The following WDR7 variants were observed in gnomAD, a reference collection of about 807,000 sequenced individuals.
WDR7 encodes the protein WD repeat-containing protein 7.
A neutral mutation model predicts 169.4 loss-of-function variants in WDR7; 46 were observed. The observed-to-expected ratio is 0.27, with a 90% CI of 0.21 to 0.35. The LOEUF (loss-of-function observed/expected upper bound fraction) is 0.35, where lower values mean the gene tolerates loss of function less well. Ranked by LOEUF, WDR7 falls within the 10% of genes least tolerant of loss-of-function variation. The pLI is 1.00. For synonymous variants in WDR7, 612 were observed against 666.8 expected (o/e 0.92, Z 1.27); for missense variants, 1,534 against 1,859.3 (o/e 0.83, Z 3.22).
intron 20 of WDR7, among the ~76,000 whole-genome samples, chr18:56,860,578 G>GA (rs34622815): frequency 9.2e-5 from 14 of 152,018 alleles, no homozygotes; most frequent in Admixed American, 8.5e-4. Flanking sequence ...ATAATTTCAG[G>GA]AAAAAACTCA....
intron 16 of WDR7, among the ~76,000 whole-genome samples, chr18:56,767,981 T>G (rs1418928450): frequency 6.6e-6 from 1 of 152,232 alleles, no homozygotes; most frequent in Non-Finnish European, 1.5e-5. Flanking sequence ...AGATATTATT[T>G]GTTATCCTCC....
At chr18:56,979,385 C>T (rs1438038207) in intron 26 of WDR7, among the ~76,000 whole-genome samples, 3 of 152,082 alleles carry the variant, frequency 2.0e-5, no homozygotes, top group Non-Finnish European at 4.4e-5. Flanking sequence ...ATTTTAAGTC[C>T]CTACTGTTGA....
intron 20 of WDR7, among the ~76,000 whole-genome samples, chr18:56,864,151 G>T (rs973683364): frequency 6.6e-6 from 1 of 151,438 alleles, no homozygotes; most frequent in Non-Finnish European, 1.5e-5. Flanking sequence ...AGCATCAAAT[G>T]GACTTATGAT....
chr18:57,019,354 C>T (rs760158110), intron 26 of WDR7, among the ~76,000 whole-genome samples: 10 of 152,100 alleles, frequency 6.6e-5, no homozygotes, highest in Admixed American at 1.3e-4. Flanking sequence ...TCATCATCAT[C>T]GTTCCTACTT....
At chr18:56,661,828 G>T (rs2024910215) in intron 1 of WDR7, among the ~76,000 whole-genome samples, 1 of 152,122 alleles carries the variant, frequency 6.6e-6, no homozygotes, top group Non-Finnish European at 1.5e-5. Flanking sequence ...TTTATTATCT[G>T]CTTCAGGTTT....
intron 11 of WDR7, among the ~76,000 whole-genome samples, chr18:56,695,777 T>G (rs1320335028): frequency 2.0e-5 from 3 of 152,160 alleles, no homozygotes; most frequent in Non-Finnish European, 4.4e-5. Flanking sequence ...TCAAGTGATC[T>G]GCCTGCCTCG....
intron 20 of WDR7, among the ~76,000 whole-genome samples, chr18:56,871,027 G>T (rs2045945160): frequency 6.6e-6 from 1 of 152,054 alleles, no homozygotes; most frequent in Non-Finnish European, 1.5e-5. Context: ...TGAGAAAATA[G>T]AAATAAAATG....
chr18:56,654,382 A>G (rs1321087834), intron 1 of WDR7, among the ~76,000 whole-genome samples: 2 of 152,160 alleles, frequency 1.3e-5, no homozygotes, highest in Non-Finnish European at 2.9e-5. Context: ...TGCCTGCCTC[A>G]GCCTCCCAAA....
In WDR7 at chr18:56,694,987, A is replaced by C; in HGVS notation, c.1146A>C (p.Ala382=). 6.2e-7 allele frequency: 1 copy of C among 1,614,194 alleles called. No individual in the cohort carries two copies. The highest frequency in any genetic ancestry group is 8.5e-7 in the Non-Finnish European group (1 of 1,180,020). Reference sequence around the variant, plus strand: ...CAACTTCTATTAGTTTGCAAGAGGCATTTGATAAACTGAATCCTTGTCCTG... The same window carrying C: ...CAACTTCTATTAGTTTGCAAGAGGCCTTTGATAAACTGAATCCTTGTCCTG... ...AMTTSISLQE[A]FDKLNPCPAG... is the part of the protein sequence containing the mutation. Residue 382 remains alanine, a synonymous_variant, in exon 11 of 28, where the codon GCA becomes GCC. Coordinates refer to ENST00000254442, the MANE Select transcript of WDR7 (RefSeq NM_015285.3).
At chr18:56,740,378 A>G (rs1311628400) in intron 14 of WDR7, among the ~76,000 whole-genome samples, 1 of 152,122 alleles carries the variant, frequency 6.6e-6, no homozygotes, top group Non-Finnish European at 1.5e-5. Context: ...CAACTCTAAT[A>G]TCTGTATCAC....
chr18:56,934,094 G>A (rs551995298), intron 22 of WDR7, among the ~76,000 whole-genome samples: 1 of 152,286 alleles, frequency 6.6e-6, no homozygotes, highest in South Asian at 2.1e-4. Context: ...CAGCCTTGCA[G>A]TATCATCAAT....
rs934663635 is a variant in WDR7, at chr18:56,691,740, C to T, written c.889C>T (p.Arg297Cys). 8 of 1,611,574 alleles carry T rather than the reference C, an allele frequency of 5.0e-6. No homozygotes were observed. Among genetic ancestry groups the T allele is most frequent in the East Asian group, 2.2e-5 (1 of 44,736 alleles). Residue 297 changes from arginine (R) to cysteine (C), a missense_variant, in exon 9 of 28, where the codon CGC becomes TGC. Physicochemically the swap from Arg to Cys is radical, Grantham distance 180. Transcript: ENST00000254442. ...TTGCCTTCCAGCTAGTGATTCATTC[C>T]GCAGTGATGTGGGGAAGGCAGTTGA... Reference protein sequence around the residue: ...ASCLPASDSFRSDVGKAVENL... With the variant: ...ASCLPASDSFCSDVGKAVENL...
At chr18:57,024,303 C>T (rs552181028) in intron 27 of WDR7, among the ~76,000 whole-genome samples, 3 of 152,240 alleles carry the variant, frequency 2.0e-5, no homozygotes, top group African/African-American at 4.8e-5. Context: ...TATCCAGTCG[C>T]TGTTCAAGAA....
chr18:56,805,039 G>C (rs1172495003), intron 19 of WDR7, among the ~76,000 whole-genome samples: 2 of 152,040 alleles, frequency 1.3e-5, no homozygotes, highest in African/African-American at 2.4e-5. Context: ...CCAACACTGA[G>C]GGCAGACCTT....
intron 22 of WDR7, among the ~76,000 whole-genome samples, chr18:56,930,151 C>T (rs2046861670): frequency 6.6e-6 from 1 of 152,180 alleles, no homozygotes; most frequent in Non-Finnish European, 1.5e-5. Flanking sequence ...GGGATCATCA[C>T]AATTTACCAA....
intron 4 of WDR7, among the ~76,000 whole-genome samples, chr18:56,682,052 G>T (rs1429398169): frequency 6.6e-6 from 1 of 152,182 alleles, no homozygotes; most frequent in African/African-American, 2.4e-5. Context: ...CAATGGGAAA[G>T]GAAGAGAAGG....
At chr18:56,709,473 A>G (rs1158766126) in intron 12 of WDR7, among the ~76,000 whole-genome samples, 1 of 152,230 alleles carries the variant, frequency 6.6e-6, no homozygotes, top group Non-Finnish European at 1.5e-5. Context: ...TTTTGTATTC[A>G]TGACATGTTA....
intron 25 of WDR7, among the ~76,000 whole-genome samples, chr18:56,946,589 T>G (rs1270939136): frequency 6.6e-6 from 1 of 152,172 alleles, no homozygotes; most frequent in Non-Finnish European, 1.5e-5. Flanking sequence ...CTGTATTCCT[T>G]CCCTCATAAT....
At chr18:56,932,631 G>A (rs1395688948) in intron 22 of WDR7, among the ~76,000 whole-genome samples, 2 of 152,132 alleles carry the variant, frequency 1.3e-5, no homozygotes, top group Non-Finnish European at 2.9e-5. Flanking sequence ...TAATAGAGGA[G>A]CCGGCAGGGC....
Sources: gnomAD v4.1 joint callset for allele counts (sites outside exome capture counted in the v4.1 genomes callset) on GRCh38, gnomAD v4.1.1 for gene constraint, MANE v1.5 for transcripts, NCBI Gene and HGNC (gene_info 2026-07-23, HGNC 2026-07-21) for gene names.